The following MYT1L variants were observed in gnomAD, a reference collection of about 807,000 sequenced individuals.
The protein encoded by MYT1L is myelin transcription factor 1-like protein.
A neutral mutation model predicts 126.7 loss-of-function variants in MYT1L; 12 were observed. The observed-to-expected ratio is 0.09, with a 90% CI of 0.06 to 0.15. MYT1L has a LOEUF of 0.15. Ranked by LOEUF, MYT1L falls within the 10% of genes least tolerant of loss-of-function variation. The pLI is 1.00. For missense variants in MYT1L, 979 were observed against 1,585.2 expected, an observed-to-expected ratio of 0.62 and a Z score of 6.49; for synonymous variants, 541 against 604.2, an observed-to-expected ratio of 0.90 and a Z score of 1.53.
intron 2 of MYT1L, among the ~76,000 whole-genome samples, chr2:2,236,014 G>T (rs2094288954): frequency 6.6e-6 from 1 of 152,074 alleles, no homozygotes; most frequent in Non-Finnish European, 1.5e-5. Context: ...TCCCAAAGGA[G>T]CCCAAGAATG....
chr2:2,150,810 AAGAG>A (rs963058222), intron 3 of MYT1L, among the ~76,000 whole-genome samples: 2 of 150,644 alleles, frequency 1.3e-5, no homozygotes, highest in African/African-American at 4.9e-5. Context: ...GGAAAAGAGA[AAGAG>A]AGGGAGTGAA....
At chr2:2,265,591 G>A (rs1221783142) in intron 2 of MYT1L, among the ~76,000 whole-genome samples, 13 of 152,242 alleles carry the variant, frequency 8.5e-5, no homozygotes, top group Admixed American at 5.2e-4. Flanking sequence ...GGATGATGTC[G>A]GATGGTGCAC....
At chr2:2,032,498 C>T (rs868692451) in intron 4 of MYT1L, among the ~76,000 whole-genome samples, 7 of 143,918 alleles carry the variant, frequency 4.9e-5, no homozygotes, top group Middle Eastern at 4.0e-3. Flanking sequence ...CCCAGTGCCT[C>T]TCATCCTGTG....
rs527920847 is a variant in MYT1L, at chr2:1,830,580, G to A, written c.3080+8569C>T. On this transcript the variant is annotated intron_variant, in intron 21 of 24. Coordinates refer to ENST00000647738, the MANE Select transcript of MYT1L (RefSeq NM_001303052.2). ...GGGAGATGGGGGAAAGGGTATTCTC[G>A]GCACCTGGAAGGGCTCACAGGGAGA... 1.3e-3 allele frequency among the ~76,000 whole-genome samples: 185 copies of A among 146,698 alleles called. 4 individuals carry two copies. The highest frequency in any genetic ancestry group is 0.012 in the Admixed American group (174 of 15,010).
chr2:2,095,887 A>G (rs1317076064), intron 3 of MYT1L, among the ~76,000 whole-genome samples: 2 of 152,132 alleles, frequency 1.3e-5, no homozygotes, highest in East Asian at 3.9e-4. Context: ...CCCAGGGGGA[A>G]TTGCACAGAG....
chr2:2,037,253 C>T (rs1220484696), intron 4 of MYT1L, among the ~76,000 whole-genome samples: 1 of 152,198 alleles, frequency 6.6e-6, no homozygotes, highest in South Asian at 2.1e-4. Flanking sequence ...TTTCTGCCAA[C>T]CTTTCTAAGT....
chr2:2,236,183 C>T (rs2094297293), intron 2 of MYT1L, among the ~76,000 whole-genome samples: 1 of 150,582 alleles, frequency 6.6e-6, no homozygotes, highest in Admixed American at 6.6e-5. Flanking sequence ...CCAACCCAAC[C>T]CAGCACATCC....
At chr2:2,204,587 G>T (rs1231230098) in intron 2 of MYT1L, among the ~76,000 whole-genome samples, 1 of 142,774 alleles carries the variant, frequency 7.0e-6, no homozygotes, top group Admixed American at 6.8e-5. Context: ...AGTTAGAATG[G>T]CAATCATTAA....
rs2053035058 is a variant in MYT1L, at chr2:1,917,628, T to C, written c.1484-289A>G. On this transcript the variant is annotated intron_variant, in intron 10 of 24. Coordinates refer to ENST00000647738, the MANE Select transcript of MYT1L (RefSeq NM_001303052.2). The surrounding 1 kb of genome is among the most constrained non-coding windows in gnomAD (Gnocchi z 5.9). Reference sequence around the variant, plus strand: ...CATTATTTTCCCGTGTGTTACATGATAAGCTGTGTTGCTCAAAGGAATCAA... The same window carrying C: ...CATTATTTTCCCGTGTGTTACATGACAAGCTGTGTTGCTCAAAGGAATCAA... Among the ~76,000 whole-genome samples, 1 of 152,212 alleles carries C rather than the reference T, an allele frequency of 6.6e-6. No individual in the cohort carries two copies. The highest frequency in any genetic ancestry group is 2.4e-5 in the African/African-American group (1 of 41,448).
chr2:2,258,044 G>C (rs2094868927), intron 2 of MYT1L, among the ~76,000 whole-genome samples: 1 of 108,096 alleles, frequency 9.3e-6, no homozygotes, highest in Admixed American at 1.0e-4. Flanking sequence ...CCAAAACAGA[G>C]ATATAGATCA....
At position 1,825,348 on chromosome 2, in the gene MYT1L, T is replaced by C. The variant is rs201486397; in HGVS notation, c.3080+13801A>G. Reference sequence around the variant, plus strand: ...TGGCGAGCAAGCTCTCACCATACAGTAGAGGAGGAGACAGAAATTAGTTCA... The same window carrying C: ...TGGCGAGCAAGCTCTCACCATACAGCAGAGGAGGAGACAGAAATTAGTTCA... On this transcript the variant is annotated intron_variant, in intron 21 of 24. Transcript: ENST00000647738. 3 of 152,216 alleles carry C rather than the reference T, an allele frequency of 2.0e-5. No homozygotes were observed. In the East Asian group the frequency reaches 5.8e-4, roughly 29 times the overall value. The allele number at this position is 152,216 out of a possible 1,614,324, so 9.4% of individuals were successfully genotyped here.
chr2:1,920,001 T>C (rs563690407), intron 10 of MYT1L, among the ~76,000 whole-genome samples: 3 of 152,202 alleles, frequency 2.0e-5, no homozygotes, highest in Non-Finnish European at 1.5e-5. Flanking sequence ...TGCTCCACTT[T>C]GTTGGCCTTG....
At chr2:1,936,454 C>G (rs1382354181) in intron 9 of MYT1L, among the ~76,000 whole-genome samples, 3 of 152,318 alleles carry the variant, frequency 2.0e-5, no homozygotes, top group East Asian at 3.9e-4. Flanking sequence ...CGTAGCTGCA[C>G]ATGCCATGTC....
chr2:2,106,669 G>A (rs1311516913), intron 3 of MYT1L, among the ~76,000 whole-genome samples: 3 of 152,046 alleles, frequency 2.0e-5, no homozygotes, highest in African/African-American at 4.8e-5. Flanking sequence ...ATCTCCATGA[G>A]GGAAGTCTCT....
intron 3 of MYT1L, among the ~76,000 whole-genome samples, chr2:2,139,589 A>G (rs2083633624): frequency 6.6e-6 from 1 of 152,026 alleles, no homozygotes; most frequent in African/African-American, 2.4e-5. Context: ...CAGTAAGCCG[A>G]GATTGCACCA....
intron 15 of MYT1L, among the ~76,000 whole-genome samples, chr2:1,891,440 T>G (rs2048865385): frequency 1.3e-5 from 2 of 152,212 alleles, no homozygotes; most frequent in African/African-American, 4.8e-5. Context: ...CTGCCCAGCA[T>G]AAGCACTGGT....
chr2:2,170,836 ATGGTGACC>A (rs1271543127), intron 3 of MYT1L, among the ~76,000 whole-genome samples: 2 of 152,226 alleles, frequency 1.3e-5, no homozygotes, highest in Non-Finnish European at 2.9e-5. Context: ...TGTGGCTGTC[ATGGTGACC>A]TTTATGCATT....
intron 22 of MYT1L, among the ~76,000 whole-genome samples, chr2:1,807,012 T>A (rs2035828840): frequency 6.6e-6 from 1 of 152,172 alleles, no homozygotes; most frequent in Non-Finnish European, 1.5e-5. Context: ...TATCCTGGTG[T>A]CTCAAAAGCG....
At chr2:2,116,037 G>T (rs1465842836) in intron 3 of MYT1L, among the ~76,000 whole-genome samples, 1 of 151,296 alleles carries the variant, frequency 6.6e-6, no homozygotes, top group East Asian at 1.9e-4. Flanking sequence ...GATGCACCAC[G>T]TCCAGTCGAC....
Sources: gnomAD v4.1 joint callset for allele counts (sites outside exome capture counted in the v4.1 genomes callset) on GRCh38, gnomAD v4.1.1 for gene constraint, Gnocchi (gnomAD v3.1) non-coding constraint, MANE v1.5 for transcripts, NCBI Gene and HGNC (gene_info 2026-07-23, HGNC 2026-07-21) for gene names.